The following KANSL1L variants were observed in gnomAD, a reference collection of about 807,000 sequenced individuals.
KANSL1L encodes the protein KAT8 regulatory NSL complex subunit 1-like protein.
A neutral mutation model predicts 108.6 loss-of-function variants in KANSL1L; 25 were observed. The ratio of observed to expected loss-of-function variants is 0.23; its 90% CI spans 0.17 to 0.32. The LOEUF (loss-of-function observed/expected upper bound fraction) is 0.32. KANSL1L is among the 10% of genes least tolerant of loss of function. The pLI is 1.00. For synonymous variants in KANSL1L, 405 were observed against 395.1 expected, an observed-to-expected ratio of 1.03 and a Z score of -0.30; for missense variants, 1,137 against 1,125.7, an observed-to-expected ratio of 1.01 and a Z score of -0.14.
rs2093864006 is a variant in KANSL1L at position 210,021,996 on chromosome 2, C to G, written c.*953G>C. The stretch of plus-strand genomic sequence containing the variant: ...CTAATTTCTTGCTAATCTAGAAATA[C>G]AATCATCTTTTTTTTTTTTTTCAAA... On this transcript the variant is annotated 3_prime_UTR_variant, in exon 15 of 15. Coordinates refer to ENST00000281772, the MANE Select transcript of KANSL1L (RefSeq NM_152519.4). The G allele has an allele frequency of 6.7e-6, 1 of 148,152 alleles. No individual in the cohort carries two copies. Among genetic ancestry groups the G allele is most frequent in the African/African-American group, 2.5e-5 (1 of 39,366 alleles). The allele number at this position is 148,152 out of a possible 1,614,324, so 9.2% of individuals were successfully genotyped here. A position where few individuals can be genotyped will look rare whatever the true frequency, so the allele number is the denominator to read the frequency against.
chr2:210,060,032 C>A (rs1374195030), intron 6 of KANSL1L, among the ~76,000 whole-genome samples: 1 of 152,156 alleles, frequency 6.6e-6, no homozygotes, highest in African/African-American at 2.4e-5. Context: ...CGTGAGCTAT[C>A]ATGCCCAGCT....
chr2:210,079,612 G>GTATATATATATATA (rs60144283), intron 5 of KANSL1L, among the ~76,000 whole-genome samples: 1 of 65,682 alleles, frequency 1.5e-5, no homozygotes, highest in East Asian at 3.8e-4. Context: ...ATATGTATGT[G>GTATATATATATATA]TATATATATA....
chr2:210,029,311 C>T (rs576845541), intron 10 of KANSL1L, among the ~76,000 whole-genome samples: 1 of 151,942 alleles, frequency 6.6e-6, no homozygotes, highest in East Asian at 1.9e-4. Flanking sequence ...GATCAGTAAC[C>T]ACTTTTTATT....
intron 7 of KANSL1L, among the ~76,000 whole-genome samples, chr2:210,041,613 C>A (rs1356973556): frequency 2.6e-5 from 4 of 152,146 alleles, no homozygotes; most frequent in South Asian, 4.1e-4. Context: ...TTAGAAAATT[C>A]TTTTCTTTAG....
At chr2:210,158,215 G>C (rs2095344100) in intron 1 of KANSL1L, among the ~76,000 whole-genome samples, 1 of 152,156 alleles carries the variant, frequency 6.6e-6, no homozygotes, top group South Asian at 2.1e-4. Flanking sequence ...TCTGAGATTA[G>C]GTAACAAAGA....
At position 210,104,292 on chromosome 2, in the gene KANSL1L, C is replaced by T. The variant is rs1435639666; in HGVS notation, c.1240G>A (p.Val414Ile). ...TTTGGAAGCTGACATTCTTCTAGGA[C>T]CACTATCCCCTAGACAAAAAACAAT... The part of the protein sequence containing the change: ...RQIRASKGIV[V>I]LEECQLPKDI... Residue 414 changes from valine to isoleucine, a missense_variant, in exon 4 of 15, where the codon GTC becomes ATC. This residue lies in a region of KANSL1L where 556 missense variants were observed against 537.7 expected (regional missense o/e 1.03). Transcript: ENST00000281772. 6.2e-7 allele frequency: 1 copy of T among 1,612,144 alleles called. No individual in the cohort carries two copies. Among genetic ancestry groups the T allele is most frequent in the Non-Finnish European group, 8.5e-7 (1 of 1,178,624 alleles).
intron 8 of KANSL1L, among the ~76,000 whole-genome samples, chr2:210,036,782 G>C (rs1181719674): frequency 6.6e-6 from 1 of 151,788 alleles, no homozygotes; most frequent in Admixed American, 6.6e-5. Flanking sequence ...TTACAAACAG[G>C]GTCTCACTTT....
At chr2:210,074,446 C>T (rs1019443315) in intron 6 of KANSL1L, among the ~76,000 whole-genome samples, 1 of 152,192 alleles carries the variant, frequency 6.6e-6, no homozygotes, top group Non-Finnish European at 1.5e-5. Flanking sequence ...TTTACTGCCT[C>T]AGCCTCCCTA....
chr2:210,088,530 C>G (rs1315396593), intron 5 of KANSL1L: 1 of 152,318 alleles, frequency 6.6e-6, no homozygotes, highest in African/African-American at 2.4e-5. Flanking sequence ...TTAAACTTCA[C>G]AAATTGCCTT....
At chr2:210,033,695 A>ATTTTTT (rs10679778) in intron 8 of KANSL1L, among the ~76,000 whole-genome samples, 1 of 133,014 alleles carries the variant, frequency 7.5e-6, no homozygotes, top group Non-Finnish European at 1.6e-5. Context: ...ACGCCCGGCT[A>ATTTTTT]TTTTTTTTTT....
At chr2:210,104,919 A>T (rs2094831259) in intron 3 of KANSL1L, among the ~76,000 whole-genome samples, 1 of 152,116 alleles carries the variant, frequency 6.6e-6, no homozygotes, top group Non-Finnish European at 1.5e-5. Flanking sequence ...AATAATAAAG[A>T]CACAAGCTTT....
intron 2 of KANSL1L, among the ~76,000 whole-genome samples, chr2:210,139,802 C>T (rs145536513): frequency 8.1e-5 from 12 of 148,510 alleles, no homozygotes; most frequent in South Asian, 4.2e-4. Context: ...AGTGCAGAGG[C>T]GCAATCTTGG....
intron 2 of KANSL1L, among the ~76,000 whole-genome samples, chr2:210,131,703 A>C (rs1323906752): frequency 1.3e-5 from 2 of 151,782 alleles, no homozygotes; most frequent in Non-Finnish European, 2.9e-5. Context: ...ATATGAAATA[A>C]ATTTTCTTTT....
chr2:210,022,821 A>G lies in KANSL1L; in HGVS notation c.*128T>C, dbSNP rs1482299089. 1.2e-5 allele frequency: 8 copies of G among 686,998 alleles called. No individual in the cohort carries two copies. Among genetic ancestry groups the G allele is most frequent in the Middle Eastern group, 4.0e-4 (1 of 2,486 alleles). 42.6% of individuals were successfully genotyped at this position (686,998 alleles called of 1,614,324 possible). ...AAAACAGACTTATCTTGCCTGTTTC[A>G]TAAACAGCATAAAAGATTAATACAT... On this transcript the variant is annotated 3_prime_UTR_variant, in exon 15 of 15. Coordinates refer to ENST00000281772, the MANE Select transcript of KANSL1L (RefSeq NM_152519.4).
chr2:210,037,411 A>G (rs527755293), intron 8 of KANSL1L, among the ~76,000 whole-genome samples: 3 of 152,322 alleles, frequency 2.0e-5, no homozygotes, highest in African/African-American at 7.2e-5. Flanking sequence ...AAAACAATCT[A>G]GTCTCGGGAC....
chr2:210,031,364 CAG>C, intron 9 of KANSL1L, 55 bp downstream of exon 9: 1 of 1,270,100 alleles, frequency 7.9e-7, no homozygotes, highest in South Asian at 1.3e-5. Flanking sequence ...ATTTTAAAAT[CAG>C]AATTTTTAAT....
Position 210,029,644 on chromosome 2 carries a change from G to C in KANSL1L, c.2271+159C>G, listed in dbSNP as rs972204821. Among the ~76,000 whole-genome samples the C allele has an allele frequency of 3.4e-5, 5 of 148,394 alleles. No homozygotes were observed. In the Admixed American group the frequency reaches 3.4e-4, roughly 10 times the overall value. On this transcript the variant is annotated intron_variant, in intron 10 of 14. Transcript: ENST00000281772. ...TTAGCTTCATAGTTAAAAATAAGTT[G>C]TATGAATCAAATATATTGTTTTCTA...
chr2:210,081,127 C>CA (rs972275870), intron 5 of KANSL1L, among the ~76,000 whole-genome samples: 20 of 151,714 alleles, frequency 1.3e-4, no homozygotes, highest in African/African-American at 4.6e-4. Context: ...AACAAACAAA[C>CA]AAAAAAACAC....
chr2:210,084,770 C>T (rs2094622224), intron 5 of KANSL1L, among the ~76,000 whole-genome samples: 1 of 152,062 alleles, frequency 6.6e-6, no homozygotes, highest in Non-Finnish European at 1.5e-5. Context: ...TGTGCCACCA[C>T]GCCGAGGTAA....
Sources: allele counts gnomAD v4.1 joint callset (sites outside exome capture counted in the v4.1 genomes callset), GRCh38; gene constraint gnomAD v4.1.1; regional missense constraint gnomAD v4.1.1; transcripts MANE v1.5; gene names NCBI Gene and HGNC (gene_info 2026-07-23, HGNC 2026-07-21).